SMC1B: variants seen among roughly 807,000 people sequenced by gnomAD.
SMC1B encodes the protein structural maintenance of chromosomes 1B, also known as structural maintenance of chromosomes protein 1B.
Under a neutral mutation model 157.9 loss-of-function variants are expected in SMC1B, and 60 were observed. The observed-to-expected ratio is 0.38, with a 90% CI of 0.31 to 0.47. The LOEUF is 0.47. Among genes scored for constraint, SMC1B ranks in the 20% least tolerant of loss-of-function variants. SMC1B has a pLI of 0.99. For synonymous variants in SMC1B, 445 were observed against 483.0 expected (o/e 0.92, Z 1.03); for missense variants, 1,165 against 1,426.2 (o/e 0.82, Z 2.95).
At chr22:45,393,950 T>C (rs2087092003) in intron 8 of SMC1B, 109 bp from the exon 9 acceptor site, 2 of 711,158 alleles carry the variant, frequency 2.8e-6, no homozygotes, top group Non-Finnish European at 4.5e-6. Flanking sequence ...CAGTGCTCTA[T>C]CAATTTTTAA....
At chr22:45,399,484 CA>C (rs1260246139) in intron 5 of SMC1B, 131 bp from the exon 6 acceptor site, 10 of 851,122 alleles carry the variant, frequency 1.2e-5, no homozygotes, top group Non-Finnish European at 1.8e-5. Flanking sequence ...GTAAGCAGAT[CA>C]ATGGTTGCCA....
chr22:45,376,993 A>T (rs2086889657), intron 12 of SMC1B, among the ~76,000 whole-genome samples: 1 of 152,236 alleles, frequency 6.6e-6, no homozygotes, highest in African/African-American at 2.4e-5. Flanking sequence ...ACAATCTTGT[A>T]ATAGAGTCTA....
Position 45,372,992 on chromosome 22 carries a change from C to T in SMC1B, c.2059-700G>A, listed in dbSNP as rs186420504. ...CCTCCCACAGTGCTGGGATTACAGG[C>T]GTGAGCCACCGCACCCGGCTGACTC... On this transcript the variant is annotated intron_variant, in intron 12 of 24. Coordinates refer to ENST00000357450, the MANE Select transcript of SMC1B (RefSeq NM_148674.5). Among the ~76,000 whole-genome samples the T allele has an allele frequency of 3.3e-5, 5 of 152,224 alleles. No individual in the cohort carries two copies. The East Asian group carries it at 5.8e-4, about 18-fold the overall frequency.
chr22:45,354,929 A>T, intron 20 of SMC1B, 30 bp downstream of exon 20: 1 of 1,606,732 alleles, frequency 6.2e-7, no homozygotes, highest in Non-Finnish European at 8.5e-7. Context: ...CCATGAATAT[A>T]ATCTTGTTAG....
intron 11 of SMC1B, 69 bp from the exon 12 acceptor site, chr22:45,383,682 A>C: frequency 7.6e-7 from 1 of 1,322,612 alleles, no homozygotes; most frequent in South Asian, 1.4e-5. Flanking sequence ...ACAATGTGTC[A>C]ATTTTTAAAG....
intron 5 of SMC1B, among the ~76,000 whole-genome samples, chr22:45,401,120 C>A (rs1316066741): frequency 6.6e-6 from 1 of 151,992 alleles, no homozygotes; most frequent in East Asian, 1.9e-4. Flanking sequence ...GTTAATGTAT[C>A]AATATTAGTT....
At chr22:45,408,970 A>G (rs780350997) in intron 1 of SMC1B, 72 bp from the exon 2 acceptor site, 4 of 920,242 alleles carry the variant, frequency 4.3e-6, no homozygotes, top group Non-Finnish European at 6.4e-6. Flanking sequence ...TGAAGAAATC[A>G]GGCCACCAAT....
At chr22:45,352,963 AAC>A (rs1165091846) in intron 21 of SMC1B, among the ~76,000 whole-genome samples, 1 of 152,180 alleles carries the variant, frequency 6.6e-6, no homozygotes, top group Admixed American at 6.5e-5. Flanking sequence ...ACTGTAGATA[AAC>A]AGAGATGAAT....
chr22:45,399,818 A>G (rs999495263), intron 5 of SMC1B, among the ~76,000 whole-genome samples: 3 of 152,246 alleles, frequency 2.0e-5, no homozygotes, highest in African/African-American at 7.2e-5. Context: ...AGAATTGTAT[A>G]TAAGTACTAT....
At chr22:45,370,767 A>G (rs1295578128) in intron 14 of SMC1B, among the ~76,000 whole-genome samples, 1 of 152,236 alleles carries the variant, frequency 6.6e-6, no homozygotes, top group Non-Finnish European at 1.5e-5. Flanking sequence ...TGCTCTGTTC[A>G]GGGGCATTGA....
chr22:45,366,238 G>A (rs373994755), intron 15 of SMC1B, among the ~76,000 whole-genome samples: 6 of 152,138 alleles, frequency 3.9e-5, no homozygotes, highest in African/African-American at 1.4e-4. Context: ...TGCCCAGGCT[G>A]GTCTCAAACT....
intron 23 of SMC1B, among the ~76,000 whole-genome samples, chr22:45,348,864 A>G (rs943403768): frequency 6.6e-6 from 1 of 151,486 alleles, no homozygotes; most frequent in Non-Finnish European, 1.5e-5. Context: ...ATGCTCAGAT[A>G]ATTATTTTTT....
intron 15 of SMC1B, among the ~76,000 whole-genome samples, chr22:45,366,287 T>C (rs1185353425): frequency 6.6e-6 from 1 of 152,094 alleles, no homozygotes; most frequent in Admixed American, 6.6e-5. Flanking sequence ...AGCTCCCAGA[T>C]TGTTAGGATT....
At chr22:45,358,144 A>G (rs2086687401) in intron 19 of SMC1B, among the ~76,000 whole-genome samples, 1 of 152,194 alleles carries the variant, frequency 6.6e-6, no homozygotes, top group South Asian at 2.1e-4. Flanking sequence ...AGAAGGTGTG[A>G]GAGAGGGCAT....
At chr22:45,364,369 A>G (rs2086752064) in intron 15 of SMC1B, among the ~76,000 whole-genome samples, 2 of 152,230 alleles carry the variant, frequency 1.3e-5, no homozygotes, top group East Asian at 3.8e-4. Context: ...AAAAACAACT[A>G]TAACAATTAA....
intron 11 of SMC1B, among the ~76,000 whole-genome samples, chr22:45,384,093 G>T (rs1254076515): frequency 6.6e-6 from 1 of 152,138 alleles, no homozygotes; most frequent in Admixed American, 6.6e-5. Flanking sequence ...AATCTGACAG[G>T]TGAAAATAGT....
intron 21 of SMC1B, 55 bp downstream of exon 21, chr22:45,353,923 A>AAAAAAAAAAAAAAAAAAAAACC: frequency 9.6e-7 from 1 of 1,036,896 alleles, no homozygotes; most frequent in Non-Finnish European, 1.4e-6. Flanking sequence ...AAAAAAAACA[A>AAAAAAAAAAAAAAAAAAAAACC]CCACCACCGG....
chr22:45,384,268 C>T (rs1457035995), intron 11 of SMC1B, among the ~76,000 whole-genome samples: 1 of 152,160 alleles, frequency 6.6e-6, no homozygotes, highest in Non-Finnish European at 1.5e-5. Flanking sequence ...AACATCTGCT[C>T]TTTACTATGA....
intron 22 of SMC1B, among the ~76,000 whole-genome samples, chr22:45,350,734 C>G (rs1256309288): frequency 6.6e-6 from 1 of 152,146 alleles, no homozygotes; most frequent in African/African-American, 2.4e-5. Context: ...AATGGCAGCT[C>G]TTATTACTCT....
Sources: gnomAD v4.1 joint callset for allele counts (sites outside exome capture counted in the v4.1 genomes callset) on GRCh38, gnomAD v4.1.1 for gene constraint, MANE v1.5 for transcripts, NCBI Gene and HGNC (gene_info 2026-07-23, HGNC 2026-07-21) for gene names.